Variants in CDH1 observed in about 807,000 individuals in gnomAD.
CDH1 encodes the protein cadherin 1, also known as cadherin-1.
In CDH1, 35 loss-of-function variants were observed where a neutral mutation model predicts 84.5. The observed-to-expected ratio is 0.41, with a 90% confidence interval of 0.32 to 0.55. The LOEUF is 0.55. Ranked by LOEUF, CDH1 falls within the 20% of genes least tolerant of loss-of-function variation. The probability of loss-of-function intolerance (pLI) is 0.19; values close to 1 mark genes in which losing one functional copy is unlikely to be tolerated. For missense variants in CDH1, 994 were observed against 1,126.6 expected, an observed-to-expected ratio of 0.88 and a Z score of 1.68; for synonymous variants, 417 against 439.0, an observed-to-expected ratio of 0.95 and a Z score of 0.63.
intron 2 of CDH1, among the ~76,000 whole-genome samples, chr16:68,738,943 T>TG: frequency 1.3e-5 from 1 of 74,892 alleles, no homozygotes; most frequent in Non-Finnish European, 2.9e-5. Context: ...AAGCTTTTTT[T>TG]TTTTTTTTTT....
chr16:68,745,332 A>C (rs1207529662), intron 2 of CDH1, among the ~76,000 whole-genome samples: 1 of 151,406 alleles, frequency 6.6e-6, no homozygotes, highest in Non-Finnish European at 1.5e-5. Flanking sequence ...AGATTAAAAA[A>C]AAAATTTAGC....
At chr16:68,790,309 T>C (rs867228567) in intron 2 of CDH1, among the ~76,000 whole-genome samples, 3 of 151,574 alleles carry the variant, frequency 2.0e-5, no homozygotes, top group Non-Finnish European at 4.4e-5. Flanking sequence ...GTACATGGGG[T>C]CTCCCTAACC....
intron 2 of CDH1, among the ~76,000 whole-genome samples, chr16:68,739,297 A>T (rs1465071970): frequency 1.3e-5 from 2 of 151,972 alleles, no homozygotes; most frequent in Non-Finnish European, 2.9e-5. Flanking sequence ...TGTGCCTGTA[A>T]TCCTAGCTAC....
intron 10 of CDH1, among the ~76,000 whole-genome samples, chr16:68,817,269 G>T (rs1961010492): frequency 6.6e-6 from 1 of 152,212 alleles, no homozygotes; most frequent in Admixed American, 6.5e-5. Context: ...GGTCAACAGG[G>T]CAACCTGCAT....
rs876659186 is a variant in CDH1 at position 68,811,729 on chromosome 16, T to G, written c.878T>G (p.Val293Gly). Residue 293 changes from valine to glycine, a missense_variant, in exon 7 of 16, where the codon GTG becomes GGG. By Grantham distance (109) the Val-to-Gly change is moderately radical (BLOSUM62 -3). Around this residue, in one of 3 missense-constraint regions of CDH1, gnomAD observed 769 missense variants for 881.8 expected, o/e 0.87. Transcript: ENST00000261769. ...EVTATDADDDVNTYNAAIAYT... is the reference protein window; with the variant it reads ...EVTATDADDDGNTYNAAIAYT... Reference sequence around the variant, plus strand: ...ACAGCCACAGACGCGGACGATGATGTGAACACCTACAATGCCGCCATCGCT... The same window carrying G: ...ACAGCCACAGACGCGGACGATGATGGGAACACCTACAATGCCGCCATCGCT... 1 of 1,614,086 alleles carries G rather than the reference T, an allele frequency of 6.2e-7. No homozygotes were observed. The highest frequency in any genetic ancestry group is 8.5e-7 in the Non-Finnish European group (1 of 1,180,024).
chr16:68,742,324 G>A (rs1403213371), intron 2 of CDH1, among the ~76,000 whole-genome samples: 1 of 151,236 alleles, frequency 6.6e-6, no homozygotes, highest in African/African-American at 2.4e-5. Flanking sequence ...CTGTTGCCCA[G>A]ACTGGAGTGC....
In CDH1 at chr16:68,829,773, T is replaced by C; in HGVS notation, c.2415T>C (p.Asp805=). The change falls in exon 15 of 16, where the codon GAT becomes GAC. Residue 805 remains aspartate, a synonymous_variant. Transcript: ENST00000261769. Reference sequence around the variant, plus strand: ...ATCTTCCCCGCCCTGCCAATCCCGATGAAATTGGAAATTTTATTGATGAAG... The same window carrying C: ...ATCTTCCCCGCCCTGCCAATCCCGACGAAATTGGAAATTTTATTGATGAAG... ...PRYLPRPANP[D]EIGNFIDENL... 6.2e-7 allele frequency: 1 copy of C among 1,614,022 alleles called. No homozygotes were observed. The highest frequency in any genetic ancestry group is 8.5e-7 in the Non-Finnish European group (1 of 1,180,012).
rs1567517555 is a variant in CDH1 at position 68,833,277 on chromosome 16, C to T, written c.2440-13C>T. The T allele has an allele frequency of 1.2e-6, 2 of 1,611,370 alleles. No homozygotes were observed. The highest frequency in any genetic ancestry group is 1.7e-6 in the Non-Finnish European group (2 of 1,177,548). On this transcript the variant is annotated splice_polypyrimidine_tract_variant and intron_variant, in intron 15 of 15. Transcript: ENST00000261769. ...CCTTTCACTAAAAGATGCTTTTGTC[C>T]CTTCTTCTTTAGAATCTGAAAGCGG...
At chr16:68,809,901 G>C (rs996417512) in intron 5 of CDH1, among the ~76,000 whole-genome samples, 2 of 152,132 alleles carry the variant, frequency 1.3e-5, no homozygotes, top group Non-Finnish European at 2.9e-5. Context: ...AGTTTCACCC[G>C]GCATGGAATA....
rs1057521858 is a variant in CDH1, at chr16:68,808,453, G to T, written c.417G>T (p.Leu139Phe). Residue 139 changes from leucine to phenylalanine, a missense_variant, in exon 4 of 16, where the codon TTG becomes TTT. Transcript: ENST00000261769. The stretch of plus-strand genomic sequence containing the variant: ...CCGTTTCTGGAATCCAAGCAGAATT[G>T]CTCACATTTCCCAACTCCTCTCCTG... ...QASVSGIQAELLTFPNSSPGL... is the reference protein window; with the variant it reads ...QASVSGIQAEFLTFPNSSPGL... The T allele has an allele frequency of 6.2e-7, 1 of 1,614,082 alleles. No homozygotes were observed. Among genetic ancestry groups the T allele is most frequent in the African/African-American group, 1.3e-5 (1 of 75,022 alleles).
chr16:68,787,879 A>G (rs978599582), intron 2 of CDH1, among the ~76,000 whole-genome samples: 4 of 135,728 alleles, frequency 2.9e-5, no homozygotes, highest in South Asian at 2.3e-4. Flanking sequence ...AGGCTGGAGT[A>G]CAATGGCATG....
intron 2 of CDH1, among the ~76,000 whole-genome samples, chr16:68,766,979 G>A (rs576176802): frequency 1.3e-5 from 2 of 151,676 alleles, no homozygotes; most frequent in African/African-American, 2.4e-5. Context: ...TGCCTGTCTC[G>A]GCCTCCCAAA....
chr16:68,827,833 A>C lies in CDH1; in HGVS notation c.2165-341A>C, dbSNP rs554386718. ...TCCTCACCTTCCCTCCATCACACCAAACATGCTCCTCCTGCCTCAGGACCT... is the reference window on the plus strand; with the variant it reads ...TCCTCACCTTCCCTCCATCACACCACACATGCTCCTCCTGCCTCAGGACCT... On this transcript the variant is annotated intron_variant, in intron 13 of 15. Coordinates refer to ENST00000261769, the MANE Select transcript of CDH1 (RefSeq NM_004360.5). 3.2e-4 allele frequency among the ~76,000 whole-genome samples: 48 copies of C among 151,978 alleles called. 2 individuals are homozygous for C. The highest frequency in any genetic ancestry group is 1.1e-3 in the African/African-American group (46 of 41,446).
chr16:68,806,635 T>C (rs1164679489), intron 3 of CDH1, among the ~76,000 whole-genome samples: 1 of 152,224 alleles, frequency 6.6e-6, no homozygotes, highest in Non-Finnish European at 1.5e-5. Context: ...GCATCTCATT[T>C]AATCCTTCCA....
chr16:68,806,634 TTAATCCTTCCAA>T (rs1960669113), intron 3 of CDH1, among the ~76,000 whole-genome samples: 2 of 152,212 alleles, frequency 1.3e-5, no homozygotes, highest in African/African-American at 4.8e-5. Context: ...AGCATCTCAT[TTAATCCTTCCAA>T]GAATTATATG....
chr16:68,747,246 G>A (rs1298916440), intron 2 of CDH1, among the ~76,000 whole-genome samples: 1 of 152,112 alleles, frequency 6.6e-6, no homozygotes, highest in East Asian at 1.9e-4. Context: ...GAGGAAGTGG[G>A]GTACCCAAAG....
rs185113295 is a variant in CDH1 at position 68,831,829 on chromosome 16, G to A, written c.2440-1461G>A. On this transcript the variant is annotated intron_variant, in intron 15 of 15. Transcript: ENST00000261769. ...ACTGGGATTATGGGTGTGAGCCACC[G>A]CTCCTGACTACAGACCCCTTTTAGA... 6.9e-4 allele frequency among the ~76,000 whole-genome samples: 105 copies of A among 152,150 alleles called. 1 individual carries two copies. The highest frequency in any genetic ancestry group is 6.8e-3 in the Middle Eastern group (2 of 294).
At chr16:68,774,018 C>T (rs1029844987) in intron 2 of CDH1, among the ~76,000 whole-genome samples, 16 of 152,176 alleles carry the variant, frequency 1.1e-4, no homozygotes, top group African/African-American at 2.9e-4. Context: ...CAGCCTCAAG[C>T]GATCTTCCCA....
chr16:68,779,769 C>T (rs1306961758), intron 2 of CDH1, among the ~76,000 whole-genome samples: 2 of 152,248 alleles, frequency 1.3e-5, no homozygotes, highest in Admixed American at 6.5e-5. Flanking sequence ...AGAAGAATTG[C>T]GTGAACCTGG....
Sources: allele counts gnomAD v4.1 joint callset (sites outside exome capture counted in the v4.1 genomes callset), GRCh38; gene constraint gnomAD v4.1.1; regional missense constraint gnomAD v4.1.1; transcripts MANE v1.5; gene names NCBI Gene and HGNC (gene_info 2026-07-23, HGNC 2026-07-21).